Variants in AGAP1 observed in about 807,000 individuals in gnomAD.
The protein encoded by AGAP1 is arf-GAP with GTPase, ANK repeat and PH domain-containing protein 1.
A neutral mutation model predicts 105.3 loss-of-function variants in AGAP1; 29 were observed. The ratio of observed to expected loss-of-function variants is 0.28; its 90% CI spans 0.21 to 0.38. The LOEUF (loss-of-function observed/expected upper bound fraction) is 0.38. AGAP1 is among the 10% of genes least tolerant of loss of function. The pLI is 1.00. For synonymous variants in AGAP1, 509 were observed against 485.9 expected (o/e 1.05, Z -0.63); for missense variants, 998 against 1,165.1 (o/e 0.86, Z 2.09).
At position 235,992,102 on chromosome 2, in the gene AGAP1, G is replaced by T. The variant is rs931572954; in HGVS notation, c.1645+23479G>T. ...TGTGTGGAGAAGGGTTGTGATGGTGGCCATCACGAGACCCAGATAACAGGA... is the reference window on the plus strand; with the variant it reads ...TGTGTGGAGAAGGGTTGTGATGGTGTCCATCACGAGACCCAGATAACAGGA... On this transcript the variant is annotated intron_variant, in intron 13 of 17. Transcript: ENST00000304032. This position sits in a 1 kb window ranked among gnomAD's most constrained non-coding sequence, Gnocchi z 4.8. Among the ~76,000 whole-genome samples, 1 of 152,234 alleles carries T rather than the reference G, an allele frequency of 6.6e-6. No individual in the cohort carries two copies. The highest frequency in any genetic ancestry group is 1.5e-5 in the Non-Finnish European group (1 of 68,042).
chr2:235,599,743 G>A lies in AGAP1; in HGVS notation c.163+104894G>A, dbSNP rs950836033. On this transcript the variant is annotated intron_variant, in intron 1 of 17. Transcript: ENST00000304032. This position sits in a 1 kb window ranked among gnomAD's most constrained non-coding sequence, Gnocchi z 5.3. The stretch of plus-strand genomic sequence containing the variant: ...GGGTCCCACGTGATTCTACCTGATC[G>A]CTGGCTCTCTAGGGCTTTTCCCCTC... Among the ~76,000 whole-genome samples, 5 of 152,180 alleles carry A rather than the reference G, an allele frequency of 3.3e-5. No homozygotes were observed. Among genetic ancestry groups the A allele is most frequent in the African/African-American group, 4.8e-5 (2 of 41,542 alleles).
chr2:235,935,152 C>G (rs962205946), intron 12 of AGAP1, among the ~76,000 whole-genome samples: 2 of 152,124 alleles, frequency 1.3e-5, no homozygotes, highest in African/African-American at 4.8e-5. Context: ...ATTTAAGTAC[C>G]TGAGGTTTAA....
Position 235,600,296 on chromosome 2 carries a change from G to C in AGAP1, c.163+105447G>C, listed in dbSNP as rs1945685487. Among the ~76,000 whole-genome samples, 1 of 152,138 alleles carries C rather than the reference G, an allele frequency of 6.6e-6. No individual in the cohort carries two copies. Among genetic ancestry groups the C allele is most frequent in the Non-Finnish European group, 1.5e-5 (1 of 68,032 alleles). On this transcript the variant is annotated intron_variant, in intron 1 of 17. Transcript: ENST00000304032. The surrounding 1 kb of genome is among the most constrained non-coding windows in gnomAD (Gnocchi z 4.8). ...CTGCTTCCAGGGGGCTGCTCCTAAG[G>C]GAGGTGCTGGCACTACCTTTTCAGC...
At chr2:235,937,496 G>T (rs866567533) in intron 12 of AGAP1, among the ~76,000 whole-genome samples, 17 of 152,214 alleles carry the variant, frequency 1.1e-4, no homozygotes, top group African/African-American at 4.1e-4. Flanking sequence ...GCTGCCCCAT[G>T]ATCAAAACCG....
At chr2:235,534,812 G>A (rs973444758) in intron 1 of AGAP1, among the ~76,000 whole-genome samples, 10 of 152,176 alleles carry the variant, frequency 6.6e-5, no homozygotes, top group South Asian at 2.1e-4. Flanking sequence ...CCGTGCAGGC[G>A]TCAGCGCCTG....
rs1425299988 is a variant in AGAP1, at chr2:236,053,085, C to CG, written c.2114+3805dup. Among the ~76,000 whole-genome samples the CG allele has an allele frequency of 6.6e-6, 1 of 152,146 alleles. No individual in the cohort carries two copies. The highest frequency in any genetic ancestry group is 1.9e-4 in the East Asian group (1 of 5,172). ...CATAACGTAGCGTGTTGTAGGGCGT[C>CG]GAGCAGCTGGGCCGGGGGCCACCAG... On this transcript the variant is annotated intron_variant, in intron 16 of 17. Transcript: ENST00000304032. This position sits in a 1 kb window ranked among gnomAD's most constrained non-coding sequence, Gnocchi z 4.6.
rs975922990 is a variant in AGAP1 at position 236,020,317 on chromosome 2, C to T, written c.1646-16244C>T. Among the ~76,000 whole-genome samples the T allele has an allele frequency of 6.6e-5, 10 of 152,114 alleles. No individual in the cohort carries two copies. Among genetic ancestry groups the T allele is most frequent in the East Asian group, 1.9e-4 (1 of 5,198 alleles). Reference sequence around the variant, plus strand: ...TTCAAAGAAAATTGCAGTGTTTGAACGTTGTTTATGTAGCCAGGAACAGAG... The same window carrying T: ...TTCAAAGAAAATTGCAGTGTTTGAATGTTGTTTATGTAGCCAGGAACAGAG... On this transcript the variant is annotated intron_variant, in intron 13 of 17. Transcript: ENST00000304032. This position sits in a 1 kb window ranked among gnomAD's most constrained non-coding sequence, Gnocchi z 5.0.
intron 13 of AGAP1, among the ~76,000 whole-genome samples, chr2:236,031,756 C>T (rs2057230806): frequency 6.6e-6 from 1 of 152,084 alleles, no homozygotes; most frequent in African/African-American, 2.4e-5. Flanking sequence ...CCAGGGCACC[C>T]AGAACAGGTG....
intron 16 of AGAP1, among the ~76,000 whole-genome samples, chr2:236,110,029 A>G (rs1339598123): frequency 1.3e-5 from 2 of 152,220 alleles, no homozygotes; most frequent in African/African-American, 4.8e-5. Context: ...TTTGGGAGGC[A>G]TCAGATCCCT....
intron 16 of AGAP1, among the ~76,000 whole-genome samples, chr2:236,064,591 G>A (rs1025886403): frequency 1.4e-4 from 22 of 152,126 alleles, no homozygotes; most frequent in Non-Finnish European, 2.4e-4. Flanking sequence ...GCGGGACTCC[G>A]TCTTAAAACT....
intron 9 of AGAP1, among the ~76,000 whole-genome samples, chr2:235,876,043 A>G (rs1347981779): frequency 6.6e-6 from 1 of 152,182 alleles, no homozygotes; most frequent in Non-Finnish European, 1.5e-5. Flanking sequence ...CCTTGCTATA[A>G]TTAGATGACT....
rs1951805792 is a variant in AGAP1, at chr2:235,729,122, C to T, written c.310+11478C>T. Among the ~76,000 whole-genome samples the T allele has an allele frequency of 6.6e-6, 1 of 152,144 alleles. No individual in the cohort carries two copies. Among genetic ancestry groups the T allele is most frequent in the Non-Finnish European group, 1.5e-5 (1 of 68,036 alleles). ...GGCTTTGGAGGGGGACCTAAGAGGA[C>T]AGATAGGGGAATCCCCAGGCCACCT... On this transcript the variant is annotated intron_variant, in intron 3 of 17. Coordinates refer to ENST00000304032, the MANE Select transcript of AGAP1 (RefSeq NM_001037131.3). This position sits in a 1 kb window ranked among gnomAD's most constrained non-coding sequence, Gnocchi z 5.0.
At chr2:235,592,766 C>T (rs571116590) in intron 1 of AGAP1, among the ~76,000 whole-genome samples, 17 of 152,214 alleles carry the variant, frequency 1.1e-4, no homozygotes, top group Non-Finnish European at 2.1e-4. Flanking sequence ...TGCTTGGGGA[C>T]GTGATGGCTA....
intron 16 of AGAP1, among the ~76,000 whole-genome samples, chr2:236,074,481 T>C (rs2058585811): frequency 2.0e-5 from 3 of 152,176 alleles, no homozygotes; most frequent in African/African-American, 7.2e-5. Context: ...TTTTACAAGC[T>C]TAAGCTCAGC....
intron 1 of AGAP1, among the ~76,000 whole-genome samples, chr2:235,593,574 C>A (rs1945421002): frequency 6.6e-6 from 1 of 152,092 alleles, no homozygotes; most frequent in South Asian, 2.1e-4. Context: ...AATATGTTTT[C>A]CGTGTATATA....
chr2:235,594,719 A>G (rs954775170), intron 1 of AGAP1, among the ~76,000 whole-genome samples: 27 of 151,812 alleles, frequency 1.8e-4, no homozygotes, highest in Non-Finnish European at 3.7e-4. Flanking sequence ...TTACAGATGC[A>G]TGCCACCACA....
intron 6 of AGAP1, among the ~76,000 whole-genome samples, chr2:235,797,272 C>G (rs1457413902): frequency 2.6e-5 from 4 of 151,798 alleles, no homozygotes; most frequent in African/African-American, 9.7e-5. Context: ...TATTTTTTTG[C>G]TTTACATTCC....
intron 3 of AGAP1, among the ~76,000 whole-genome samples, chr2:235,722,151 G>C (rs984320128): frequency 2.6e-5 from 4 of 152,180 alleles, no homozygotes; most frequent in Non-Finnish European, 2.9e-5. Context: ...TTGGGTGTGC[G>C]TGCTCACACG....
At chr2:235,990,383 C>G (rs991827295) in intron 13 of AGAP1, among the ~76,000 whole-genome samples, 1 of 152,208 alleles carries the variant, frequency 6.6e-6, no homozygotes, top group Non-Finnish European at 1.5e-5. Flanking sequence ...GCTAGGAAGG[C>G]CTGTGTCTGC....
Sources: allele counts gnomAD v4.1 joint callset (sites outside exome capture counted in the v4.1 genomes callset), GRCh38; gene constraint gnomAD v4.1.1; non-coding constraint Gnocchi (gnomAD v3.1); transcripts MANE v1.5; gene names NCBI Gene and HGNC (gene_info 2026-07-23, HGNC 2026-07-21).